Variants in DTX3 observed in about 807,000 individuals in gnomAD.
The protein encoded by DTX3 is E3 ubiquitin-protein ligase DTX3.
In DTX3, 10 loss-of-function variants were observed where a neutral mutation model predicts 27.4. The ratio of observed to expected loss-of-function variants is 0.36; its 90% CI spans 0.22 to 0.62. The LOEUF is 0.62. Ranked by LOEUF, DTX3 falls within the 20% of genes least tolerant of loss-of-function variation. DTX3 has a pLI of 0.68. For synonymous variants in DTX3, 171 were observed against 190.7 expected (o/e 0.90, Z 0.85); for missense variants, 319 against 463.8 (o/e 0.69, Z 2.87).
chr12:57,609,295 GGCA>G lies in DTX3; in HGVS notation c.*144_*146del. ...GGGAAGGGAGTTCCGAGAGGGAGGG[GGCA>G]ATCCCTTCCCCCATCCCCCACTGGC... On this transcript the variant is annotated 3_prime_UTR_variant, in exon 7 of 7. Transcript: ENST00000337737. 2.7e-6 allele frequency: 2 copies of G among 728,636 alleles called. No individual in the cohort carries two copies. Among genetic ancestry groups the G allele is most frequent in the Non-Finnish European group, 4.7e-6 (2 of 428,384 alleles). The allele number at this position is 728,636 out of a possible 1,614,324, so 45.1% of individuals were successfully genotyped here. A position where few individuals can be genotyped will look rare whatever the true frequency, so the allele number is the denominator to read the frequency against.
chr12:57,607,765 CCCGTG>C lies in DTX3; in HGVS notation c.750+153_750+157del. The C allele has an allele frequency of 2.1e-6, 2 of 938,194 alleles. No individual in the cohort carries two copies. Among genetic ancestry groups the C allele is most frequent in the South Asian group, 1.7e-5 (1 of 60,594 alleles). 58.1% of individuals were successfully genotyped at this position (938,194 alleles called of 1,614,324 possible). On this transcript the variant is annotated intron_variant, in intron 5 of 6. Transcript: ENST00000337737. This position sits in a 1 kb window ranked among gnomAD's most constrained non-coding sequence, Gnocchi z 7.7. ...CTCAGTGCCCTGGACCTAGGAGGTC[CCCGTG>C]AGGCCCAGCCTTTCCATCCCTGTGA...
Position 57,607,763 on chromosome 12 carries a change from TC to T in DTX3, c.750+154del, listed in dbSNP as rs1883809422. On this transcript the variant is annotated intron_variant, in intron 5 of 6. Transcript: ENST00000337737. This position sits in a 1 kb window ranked among gnomAD's most constrained non-coding sequence, Gnocchi z 7.7. ...TACTCAGTGCCCTGGACCTAGGAGGTCCCCGTGAGGCCCAGCCTTTCCATCC... is the reference window on the plus strand; with the variant it reads ...TACTCAGTGCCCTGGACCTAGGAGGTCCCGTGAGGCCCAGCCTTTCCATCC... 4 of 991,742 alleles carry T rather than the reference TC, an allele frequency of 4.0e-6. No homozygotes were observed. The Admixed American group carries it at 7.3e-5, about 18-fold the overall frequency. The allele number at this position is 991,742 out of a possible 1,614,324, so 61.4% of individuals were successfully genotyped here.
chr12:57,606,661 T>G, intron 4 of DTX3, 143 bp downstream of exon 4: 2 of 1,365,672 alleles, frequency 1.5e-6, no homozygotes, highest in Non-Finnish European at 2.0e-6. Flanking sequence ...GATGATAATA[T>G]AGCTCTGGAA....
Position 57,609,546 on chromosome 12 carries a change from G to A in DTX3, c.*394G>A, listed in dbSNP as rs192584088. On this transcript the variant is annotated 3_prime_UTR_variant, in exon 7 of 7. Coordinates refer to ENST00000337737, the MANE Select transcript of DTX3 (RefSeq NM_178502.4). ...AACCGCCCCCACATACTGCTCCACC[G>A]CTGAACTTCGGGTGCCGGGGAGGAG... The A allele has an allele frequency of 5.6e-5, 11 of 195,442 alleles. No individual in the cohort carries two copies. The highest frequency in any genetic ancestry group is 3.6e-4 in the Admixed American group (7 of 19,186). The allele number at this position is 195,442 out of a possible 1,614,324, so 12.1% of individuals were successfully genotyped here.
intron 1 of DTX3, chr12:57,605,083 A>G (rs1883652681): frequency 6.6e-6 from 1 of 152,060 alleles, no homozygotes; most frequent in Non-Finnish European, 1.5e-5. Context: ...ATGCACCCCC[A>G]CCCGGCGGTG....
rs757876665 is a variant in DTX3 at position 57,607,660 on chromosome 12, C to T, written c.750+47C>T. The T allele has an allele frequency of 1.9e-6, 3 of 1,612,738 alleles. No individual in the cohort carries two copies. The South Asian group carries it at 3.3e-5, about 18-fold the overall frequency. On this transcript the variant is annotated intron_variant, in intron 5 of 6. Transcript: ENST00000337737. This position sits in a 1 kb window ranked among gnomAD's most constrained non-coding sequence, Gnocchi z 7.7. ...CTTACCCTTTGGCTTTCCCCAAGCT[C>T]TGACCTAGGAAAACCGGGTGAGGGT...
chr12:57,607,576 T>A lies in DTX3; in HGVS notation c.713T>A (p.Ile238Asn). The change falls in exon 5 of 7, where the codon ATT (isoleucine) becomes AAT (asparagine). Residue 238 changes from isoleucine (I) to asparagine (N), a missense_variant. Physicochemically the swap from Ile to Asn is moderately radical, Grantham distance 149 (BLOSUM62 -3). Coordinates refer to ENST00000337737, the MANE Select transcript of DTX3 (RefSeq NM_178502.4). This position sits in a 1 kb window ranked among gnomAD's most constrained non-coding sequence, Gnocchi z 7.7. ...CCCAGCTATGAGAAGTACGGCACCA[T>A]TGTCATCCAGTACGTCTTCCCGCCC... Reference protein sequence around the residue: ...LLPSYEKYGTIVIQYVFPPGV... With the variant: ...LLPSYEKYGTNVIQYVFPPGV... 1 of 1,614,080 alleles carries A rather than the reference T, an allele frequency of 6.2e-7. No homozygotes were observed. Among genetic ancestry groups the A allele is most frequent in the Non-Finnish European group, 8.5e-7 (1 of 1,180,000 alleles).
Position 57,607,288 on chromosome 12 carries a change from C to CT in DTX3, c.426dup (p.Pro143SerfsTer81). The CT allele has an allele frequency of 6.4e-7, 1 of 1,569,126 alleles. No homozygotes were observed. The highest frequency in any genetic ancestry group is 8.6e-7 in the Non-Finnish European group (1 of 1,157,230). Reference sequence around the variant, plus strand: ...GGAGCTCGGGGGCTCCCCCCTCCTCCTCCCCCCCTGCCCCCACCTCTTCCT... The same window carrying CT: ...GGAGCTCGGGGGCTCCCCCCTCCTCCTTCCCCCCCTGCCCCCACCTCTTCCT... On this transcript the variant is annotated frameshift_variant, in exon 5 of 7. Coordinates refer to ENST00000337737, the MANE Select transcript of DTX3 (RefSeq NM_178502.4). LOFTEE classifies it high-confidence loss of function. The surrounding 1 kb of genome is among the most constrained non-coding windows in gnomAD (Gnocchi z 7.7).
At chr12:57,606,059 A>C (rs1007822905) in intron 2 of DTX3, 131 bp from the exon 3 acceptor site, 1 of 157,530 alleles carries the variant, frequency 6.3e-6, no homozygotes, top group African/African-American at 2.4e-5. Flanking sequence ...TTCTTGAGCA[A>C]CTTGGGGAGA....
At chr12:57,605,936 A>T (rs1311021099) in intron 2 of DTX3, 1 of 152,558 alleles carries the variant, frequency 6.6e-6, no homozygotes, top group Non-Finnish European at 1.5e-5. Context: ...TGGCAAGAAG[A>T]CCTCCACCTG....
chr12:57,609,208 A>G lies in DTX3; in HGVS notation c.*56A>G. On this transcript the variant is annotated 3_prime_UTR_variant, in exon 7 of 7. Transcript: ENST00000337737. ...TCTGCCTCTACTAGGACCCAGCAGA[A>G]GCCTCTTTCTCCTCTCTGCCCCCTG... The G allele has an allele frequency of 6.5e-7, 1 of 1,539,876 alleles. No individual in the cohort carries two copies. Among genetic ancestry groups the G allele is most frequent in the Non-Finnish European group, 9.0e-7 (1 of 1,114,192 alleles).
chr12:57,606,655 A>G (rs1883735182), intron 4 of DTX3, 137 bp downstream of exon 4: 6 of 1,383,634 alleles, frequency 4.3e-6, no homozygotes, highest in Non-Finnish European at 5.9e-6. Context: ...GGCTTAGATG[A>G]TAATATAGCT....
At position 57,608,618 on chromosome 12, in the gene DTX3, C is replaced by A. The variant is rs1883856015; in HGVS notation, c.849C>A (p.Arg283=). 1.2e-6 allele frequency: 2 copies of A among 1,614,102 alleles called. No homozygotes were observed. The highest frequency in any genetic ancestry group is 2.7e-5 in the African/African-American group (2 of 74,942). The stretch of plus-strand genomic sequence containing the variant: ...GCAACAAGGTGCTGACCCTGTTCCG[C>A]AAGGCGTTTGACCAGCGTCTCACCT... ...PEGNKVLTLF[R]KAFDQRLTFT... The change falls in exon 6 of 7, where the codon CGC becomes CGA. Residue 283 remains arginine (R), a synonymous_variant. Transcript: ENST00000337737. This position sits in a 1 kb window ranked among gnomAD's most constrained non-coding sequence, Gnocchi z 6.1.
Position 57,607,109 on chromosome 12 carries a change from C to G in DTX3, c.246C>G (p.Leu82=). 6.2e-7 allele frequency: 1 copy of G among 1,614,208 alleles called. No homozygotes were observed. The highest frequency in any genetic ancestry group is 2.2e-5 in the East Asian group (1 of 44,874). ...GGCTCTACCTAGCCCGGAAGGCTCT[C>G]AAGGGGCTGCTAAAAGAGGCAGAGA... The part of the protein sequence containing the change: ...PNGLYLARKA[L]KGLLKEAEKE... The change falls in exon 5 of 7, where the codon CTC becomes CTG. Residue 82 remains leucine (L), a synonymous_variant. Coordinates refer to ENST00000337737, the MANE Select transcript of DTX3 (RefSeq NM_178502.4). This position sits in a 1 kb window ranked among gnomAD's most constrained non-coding sequence, Gnocchi z 7.7.
chr12:57,607,159 A>C lies in DTX3; in HGVS notation c.296A>C (p.Gln99Pro). 6.2e-7 allele frequency: 1 copy of C among 1,614,038 alleles called. No homozygotes were observed. Among genetic ancestry groups the C allele is most frequent in the Non-Finnish European group, 8.5e-7 (1 of 1,180,024 alleles). The change falls in exon 5 of 7, where the codon CAG becomes CCG. Residue 99 changes from glutamine to proline, a missense_variant. Physicochemically the swap from Gln to Pro is moderately conservative, Grantham distance 76 (BLOSUM62 -1). Coordinates refer to ENST00000337737, the MANE Select transcript of DTX3 (RefSeq NM_178502.4). This position sits in a 1 kb window ranked among gnomAD's most constrained non-coding sequence, Gnocchi z 7.7. ...AEKELKKAQR[Q>P]GELMGCLALG... is the part of the protein sequence containing the mutation. ...AAAGAGCTGAAGAAAGCTCAGAGGC[A>C]GGGGGAGCTGATGGGCTGCCTGGCT...
Position 57,608,981 on chromosome 12 carries a change from G to T in DTX3, c.969-96G>T. ...AGGTGTCCTCCCTTAGGGGAGGTGG[G>T]GAGGTGTCTGAGCCACCTAGAATGA... On this transcript the variant is annotated intron_variant, in intron 6 of 6. Coordinates refer to ENST00000337737, the MANE Select transcript of DTX3 (RefSeq NM_178502.4). This position sits in a 1 kb window ranked among gnomAD's most constrained non-coding sequence, Gnocchi z 6.1. 1 of 1,195,772 alleles carries T rather than the reference G, an allele frequency of 8.4e-7. No homozygotes were observed. The highest frequency in any genetic ancestry group is 2.5e-5 in the East Asian group (1 of 40,608). The allele number at this position is 1,195,772 out of a possible 1,614,324, so 74.1% of individuals were successfully genotyped here.
Position 57,607,882 on chromosome 12 carries a change from T to G in DTX3, c.750+269T>G, listed in dbSNP as rs1446101359. Among the ~76,000 whole-genome samples the G allele has an allele frequency of 6.6e-6, 1 of 152,182 alleles. No homozygotes were observed. The highest frequency in any genetic ancestry group is 1.5e-5 in the Non-Finnish European group (1 of 68,038). Reference sequence around the variant, plus strand: ...GAGGAAGGAATTGCATATTATTTCCTTGATGAACACAAATACTGTGCTGAC... The same window carrying G: ...GAGGAAGGAATTGCATATTATTTCCGTGATGAACACAAATACTGTGCTGAC... On this transcript the variant is annotated intron_variant, in intron 5 of 6. Coordinates refer to ENST00000337737, the MANE Select transcript of DTX3 (RefSeq NM_178502.4). The surrounding 1 kb of genome is among the most constrained non-coding windows in gnomAD (Gnocchi z 7.7).
In DTX3 at chr12:57,609,379, GCT is replaced by G. The variant is rs745491969; in HGVS notation, c.*230_*231del. On this transcript the variant is annotated 3_prime_UTR_variant, in exon 7 of 7. Coordinates refer to ENST00000337737, the MANE Select transcript of DTX3 (RefSeq NM_178502.4). ...CTTCTGGCAGAGGCCGACCTCCAAG[GCT>G]CTGTTCTCCCCTCCCCGTGTACATA... 24 of 565,832 alleles carry G rather than the reference GCT, an allele frequency of 4.2e-5. No homozygotes were observed. The highest frequency in any genetic ancestry group is 7.3e-5 in the Non-Finnish European group (23 of 315,430). 35.1% of individuals were successfully genotyped at this position (565,832 alleles called of 1,614,324 possible). A position where few individuals can be genotyped will look rare whatever the true frequency, so the allele number is the denominator to read the frequency against.
rs930056774 is a variant in DTX3 at position 57,608,352 on chromosome 12, CG to C, written c.751-167del. ...ATGCTCTGAAACAGGCTCTTGCTGCCGAGGCCGTATAATCTCTCCTTCTGTG... is the reference window on the plus strand; with the variant it reads ...ATGCTCTGAAACAGGCTCTTGCTGCCAGGCCGTATAATCTCTCCTTCTGTG... On this transcript the variant is annotated intron_variant, in intron 5 of 6. Coordinates refer to ENST00000337737, the MANE Select transcript of DTX3 (RefSeq NM_178502.4). The surrounding 1 kb of genome is among the most constrained non-coding windows in gnomAD (Gnocchi z 6.1). Among the ~76,000 whole-genome samples, 2 of 152,140 alleles carry C rather than the reference CG, an allele frequency of 1.3e-5. No homozygotes were observed. The highest frequency in any genetic ancestry group is 4.8e-5 in the African/African-American group (2 of 41,404).
Sources: allele counts gnomAD v4.1 joint callset (sites outside exome capture counted in the v4.1 genomes callset), GRCh38; gene constraint gnomAD v4.1.1; non-coding constraint Gnocchi (gnomAD v3.1); transcripts MANE v1.5; gene names NCBI Gene and HGNC (gene_info 2026-07-23, HGNC 2026-07-21).